Variants in DNAJC15 observed in about 807,000 individuals in gnomAD.
DNAJC15 encodes the protein dnaJ homolog subfamily C member 15.
Under a neutral mutation model 22.4 loss-of-function variants are expected in DNAJC15, and 27 were observed. The observed-to-expected ratio is 1.20, with a 90% CI of 0.89 to 1.66. DNAJC15 has a LOEUF of 1.66. Ranked by LOEUF, DNAJC15 falls within the 40% of genes most tolerant of loss-of-function variation. The pLI, the probability that DNAJC15 is intolerant of heterozygous loss-of-function variation, is 0.00. For missense variants in DNAJC15, 208 were observed against 187.1 expected (o/e 1.11, Z -0.65); for synonymous variants, 79 against 63.2 (o/e 1.25, Z -1.19).
At chr13:43,063,914 C>T (rs2040571216) in intron 1 of DNAJC15, among the ~76,000 whole-genome samples, 1 of 152,174 alleles carries the variant, frequency 6.6e-6, no homozygotes, top group African/African-American at 2.4e-5. Flanking sequence ...AAATATGTAG[C>T]ACCAGGGAAG....
At chr13:43,104,605 A>C (rs1325399937) in intron 5 of DNAJC15, among the ~76,000 whole-genome samples, 1 of 152,124 alleles carries the variant, frequency 6.6e-6, no homozygotes, top group Non-Finnish European at 1.5e-5. Context: ...GAGTGTTCTA[A>C]TTAAATGGAA....
intron 5 of DNAJC15, among the ~76,000 whole-genome samples, chr13:43,103,202 T>A (rs1046578406): frequency 2.0e-5 from 3 of 152,216 alleles, no homozygotes; most frequent in Non-Finnish European, 4.4e-5. Flanking sequence ...ATCTTCTATA[T>A]GTGTTTAATT....
intron 1 of DNAJC15, among the ~76,000 whole-genome samples, chr13:43,037,455 C>T (rs1191718306): frequency 1.3e-5 from 2 of 151,856 alleles, no homozygotes; most frequent in African/African-American, 2.4e-5. Flanking sequence ...AGGGAGACAC[C>T]GAAGATCAAT....
At chr13:43,091,922 T>C (rs1593329230) in intron 5 of DNAJC15, among the ~76,000 whole-genome samples, 1 of 152,198 alleles carries the variant, frequency 6.6e-6, no homozygotes, top group African/African-American at 2.4e-5. Context: ...ATCTAGCATA[T>C]GGTCAATTTT....
chr13:43,051,806 C>G (rs2040505705), intron 1 of DNAJC15, among the ~76,000 whole-genome samples: 1 of 152,064 alleles, frequency 6.6e-6, no homozygotes, highest in Admixed American at 6.5e-5. Flanking sequence ...GTTGGATACC[C>G]AAGAGTGGGA....
chr13:43,039,384 CT>C (rs202044963), intron 1 of DNAJC15, among the ~76,000 whole-genome samples: 3 of 152,188 alleles, frequency 2.0e-5, no homozygotes, highest in African/African-American at 7.2e-5. Context: ...TATAGTGTTT[CT>C]ATAGAAGTCT....
At chr13:43,072,659 G>C (rs983793157) in intron 3 of DNAJC15, among the ~76,000 whole-genome samples, 5 of 151,612 alleles carry the variant, frequency 3.3e-5, no homozygotes, top group Non-Finnish European at 7.4e-5. Flanking sequence ...TGCCTCCTGA[G>C]TTTAAGTGAT....
At chr13:43,056,527 T>C (rs949251339) in intron 1 of DNAJC15, among the ~76,000 whole-genome samples, 13 of 152,200 alleles carry the variant, frequency 8.5e-5, no homozygotes, top group Admixed American at 3.3e-4. Context: ...TCTATAAATA[T>C]CTGTTAATTC....
intron 2 of DNAJC15, among the ~76,000 whole-genome samples, chr13:43,066,119 G>A (rs554781663): frequency 1.2e-4 from 18 of 152,214 alleles, no homozygotes; most frequent in African/African-American, 3.8e-4. Flanking sequence ...TAAGCTGTCA[G>A]TTCTTTCTCA....
At chr13:43,060,235 G>A (rs971910865) in intron 1 of DNAJC15, among the ~76,000 whole-genome samples, 4 of 152,148 alleles carry the variant, frequency 2.6e-5, no homozygotes, top group Admixed American at 6.5e-5. Flanking sequence ...TAGGGGCGGC[G>A]TGGGAACCTA....
chr13:43,051,741 TGCC>T (rs2040505349), intron 1 of DNAJC15, among the ~76,000 whole-genome samples: 1 of 152,136 alleles, frequency 6.6e-6, no homozygotes. Context: ...TGAATTGTGC[TGCC>T]ATAAACATGC....
At chr13:43,066,958 C>A (rs2040587298) in intron 2 of DNAJC15, among the ~76,000 whole-genome samples, 1 of 152,152 alleles carries the variant, frequency 6.6e-6, no homozygotes, top group Non-Finnish European at 1.5e-5. Flanking sequence ...AGTAAATTTG[C>A]TGAGTCTGTC....
At chr13:43,036,775 C>T (rs1168854288) in intron 1 of DNAJC15, among the ~76,000 whole-genome samples, 5 of 152,246 alleles carry the variant, frequency 3.3e-5, no homozygotes, top group African/African-American at 9.6e-5. Flanking sequence ...GGGCTTGTGC[C>T]CAAAGTCTAG....
chr13:43,041,476 A>G (rs932423790), intron 1 of DNAJC15, among the ~76,000 whole-genome samples: 2 of 152,210 alleles, frequency 1.3e-5, no homozygotes, highest in Non-Finnish European at 2.9e-5. Context: ...ACACAGACAC[A>G]GTAACAATCT....
At chr13:43,089,445 T>C (rs1197945091) in intron 5 of DNAJC15, among the ~76,000 whole-genome samples, 1 of 152,142 alleles carries the variant, frequency 6.6e-6, no homozygotes, top group East Asian at 1.9e-4. Context: ...CAACTTTACA[T>C]AGGATGACTG....
intron 5 of DNAJC15, among the ~76,000 whole-genome samples, chr13:43,091,318 C>A (rs750376233): frequency 6.6e-6 from 1 of 152,114 alleles, no homozygotes; most frequent in Admixed American, 6.5e-5. Context: ...GAACTCCTGA[C>A]GTCAGGTGTT....
chr13:43,066,776 C>G (rs2040586117), intron 2 of DNAJC15, among the ~76,000 whole-genome samples: 1 of 152,150 alleles, frequency 6.6e-6, no homozygotes, highest in Non-Finnish European at 1.5e-5. Context: ...GCGCCAGCCA[C>G]CATGCCCAGC....
At chr13:43,073,394 T>C (rs138055328) in intron 3 of DNAJC15, among the ~76,000 whole-genome samples, 1 of 152,198 alleles carries the variant, frequency 6.6e-6, no homozygotes, top group Non-Finnish European at 1.5e-5. Context: ...TGGGATCTGC[T>C]GGTATGCCTC....
At chr13:43,039,263 A>G (rs1488648792) in intron 1 of DNAJC15, among the ~76,000 whole-genome samples, 1 of 152,148 alleles carries the variant, frequency 6.6e-6, no homozygotes, top group Non-Finnish European at 1.5e-5. Context: ...CATTTTTTTC[A>G]ACTCTATGAT....
Sources: gnomAD v4.1 joint callset for allele counts (sites outside exome capture counted in the v4.1 genomes callset) on GRCh38, gnomAD v4.1.1 for gene constraint, MANE v1.5 for transcripts, NCBI Gene and HGNC (gene_info 2026-07-23, HGNC 2026-07-21) for gene names.